The following FER variants were observed in gnomAD, a reference collection of about 807,000 sequenced individuals.
FER encodes tyrosine-protein kinase Fer.
A neutral mutation model predicts 111.0 loss-of-function variants in FER; 63 were observed. The observed-to-expected ratio is 0.57, with a 90% CI of 0.46 to 0.70. FER has a LOEUF of 0.70. Ranked by LOEUF, FER falls within the 30% of genes least tolerant of loss-of-function variation. The probability of loss-of-function intolerance (pLI) is 0.00; values close to 1 mark genes in which losing one functional copy is unlikely to be tolerated. For missense variants in FER, 914 were observed against 954.0 expected (o/e 0.96, Z 0.55); for synonymous variants, 327 against 313.9 (o/e 1.04, Z -0.44).
At chr5:109,119,431 A>G (rs915373232) in intron 17 of FER, among the ~76,000 whole-genome samples, 2 of 152,174 alleles carry the variant, frequency 1.3e-5, no homozygotes, top group African/African-American at 2.4e-5. Flanking sequence ...ACTTCCAACT[A>G]TGTGGTCAAT....
intron 17 of FER, among the ~76,000 whole-genome samples, chr5:109,170,987 C>T (rs889737018): frequency 6.6e-6 from 1 of 152,106 alleles, no homozygotes; most frequent in Non-Finnish European, 1.5e-5. Context: ...CGTGGTTCCT[C>T]CAAATTATTG....
chr5:108,822,754 T>TTTA (rs1759015110), intron 3 of FER, among the ~76,000 whole-genome samples: 1 of 88,248 alleles, frequency 1.1e-5, no homozygotes, highest in Non-Finnish European at 2.2e-5. Flanking sequence ...TTTTATTTTA[T>TTTA]TTTATTTTAT....
Position 109,146,297 on chromosome 5 carries a change from G to A in FER, c.2049-34450G>A, listed in dbSNP as rs1238476212. Among the ~76,000 whole-genome samples, 3 of 51,540 alleles carry A rather than the reference G, an allele frequency of 5.8e-5. No individual in the cohort carries two copies. In the East Asian group the frequency reaches 1.2e-3, roughly 20 times the overall value. The allele number at this position is 51,540 out of a possible 152,430, so 33.8% of individuals were successfully genotyped here. A position where few individuals can be genotyped will look rare whatever the true frequency, so the allele number is the denominator to read the frequency against. ...ATATATATATATATATATATCTTGG[G>A]TAGCACTTTTCTAGTGTTTTTGAAT... is the stretch of plus-strand genomic sequence containing the variant. On this transcript the variant is annotated intron_variant, in intron 17 of 19. Transcript: ENST00000281092.
chr5:109,009,565 G>A (rs1170172184), intron 13 of FER, among the ~76,000 whole-genome samples: 1 of 151,766 alleles, frequency 6.6e-6, no homozygotes, highest in Non-Finnish European at 1.5e-5. Context: ...GCTATTTTTG[G>A]AAGAGTCTCA....
At chr5:109,073,203 T>C (rs1226974749) in intron 16 of FER, among the ~76,000 whole-genome samples, 1 of 152,128 alleles carries the variant, frequency 6.6e-6, no homozygotes, top group East Asian at 1.9e-4. Flanking sequence ...TCTGTGTGTT[T>C]TATTGGGTTA....
intron 1 of FER, among the ~76,000 whole-genome samples, chr5:108,748,806 C>A (rs1159622206): frequency 6.6e-6 from 1 of 152,196 alleles, no homozygotes; most frequent in African/African-American, 2.4e-5. Flanking sequence ...GGGCTGAGGG[C>A]CGGGCGGCTG....
rs1437303345 is a variant in FER at position 109,193,491 on chromosome 5, A to G, written c.*5916A>G. On this transcript the variant is annotated 3_prime_UTR_variant, in exon 20 of 20. Transcript: ENST00000281092. ...AGATACAAATCCTGAATTTCTAACT[A>G]TCTTCTCAAATATTACTGAGGCCAG... The G allele has an allele frequency of 6.6e-6, 1 of 152,214 alleles. No individual in the cohort carries two copies. The highest frequency in any genetic ancestry group is 1.5e-5 in the Non-Finnish European group (1 of 68,022). 9.4% of individuals were successfully genotyped at this position (152,214 alleles called of 1,614,324 possible).
chr5:109,063,482 G>T (rs73779123), intron 16 of FER, among the ~76,000 whole-genome samples: 1,771 of 152,216 alleles, frequency 0.012, 35 homozygotes, highest in African/African-American at 0.041. Context: ...AGCCAACAAA[G>T]GATTAAGGAA....
At chr5:109,143,063 A>G (rs532942431) in intron 17 of FER, among the ~76,000 whole-genome samples, 1 of 152,246 alleles carries the variant, frequency 6.6e-6, no homozygotes, top group East Asian at 1.9e-4. Context: ...AATTTAGGCA[A>G]GGACCCATCT....
chr5:108,950,115 G>A (rs1561665329), intron 11 of FER, among the ~76,000 whole-genome samples: 1 of 152,068 alleles, frequency 6.6e-6, no homozygotes, highest in Non-Finnish European at 1.5e-5. Flanking sequence ...TAAAGATAGT[G>A]TCCCTTATCA....
At chr5:108,826,679 A>G (rs1759507744) in intron 3 of FER, among the ~76,000 whole-genome samples, 1 of 152,226 alleles carries the variant, frequency 6.6e-6, no homozygotes, top group African/African-American at 2.4e-5. Flanking sequence ...ACTGATGTCA[A>G]TTCTTCTATA....
At chr5:109,091,523 A>G (rs1378650558) in intron 16 of FER, among the ~76,000 whole-genome samples, 2 of 152,164 alleles carry the variant, frequency 1.3e-5, no homozygotes, top group African/African-American at 4.8e-5. Context: ...CACCACAGAG[A>G]GCCCCGACTA....
chr5:109,186,639 G>C (rs1758900529), intron 19 of FER, among the ~76,000 whole-genome samples: 1 of 152,156 alleles, frequency 6.6e-6, no homozygotes, highest in South Asian at 2.1e-4. Context: ...TTCTATGCCA[G>C]ATAAACCTCC....
chr5:109,163,464 CTG>C (rs1402356757), intron 17 of FER, among the ~76,000 whole-genome samples: 1 of 152,090 alleles, frequency 6.6e-6, no homozygotes, highest in East Asian at 1.9e-4. Flanking sequence ...AACTACAAAA[CTG>C]TTTTCCAAAG....
intron 8 of FER, among the ~76,000 whole-genome samples, chr5:108,878,184 TTC>T (rs1765289819): frequency 6.6e-6 from 1 of 152,076 alleles, no homozygotes; most frequent in African/African-American, 2.4e-5. Flanking sequence ...TGCGATTACA[TTC>T]GGGAGCCAAC....
intron 16 of FER, among the ~76,000 whole-genome samples, chr5:109,074,643 A>G (rs1017931017): frequency 6.6e-6 from 1 of 152,234 alleles, no homozygotes; most frequent in African/African-American, 2.4e-5. Context: ...TAAATTAAAG[A>G]GGGCGGTCAG....
intron 10 of FER, among the ~76,000 whole-genome samples, chr5:108,902,901 A>ATATTTATT (rs140692614): frequency 0.01 from 1,532 of 151,058 alleles, 19 homozygotes; most frequent in Non-Finnish European, 0.014. Flanking sequence ...CTTTCTTATT[A>ATATTTATT]TATTTATTTA....
intron 2 of FER, among the ~76,000 whole-genome samples, chr5:108,793,208 G>A (rs775999844): frequency 3.3e-5 from 5 of 151,952 alleles, no homozygotes; most frequent in Non-Finnish European, 7.4e-5. Context: ...TCTACTCTTT[G>A]TCTCCAGGAG....
intron 1 of FER, among the ~76,000 whole-genome samples, chr5:108,761,268 T>C (rs1228065265): frequency 6.6e-6 from 1 of 152,156 alleles, no homozygotes; most frequent in African/African-American, 2.4e-5. Flanking sequence ...AAGCTTAATT[T>C]AGCTTTTAAT....
Sources: gnomAD v4.1 joint callset for allele counts (sites outside exome capture counted in the v4.1 genomes callset) on GRCh38, gnomAD v4.1.1 for gene constraint, MANE v1.5 for transcripts, NCBI Gene and HGNC (gene_info 2026-07-23, HGNC 2026-07-21) for gene names.